Variants in FILIP1L observed in about 807,000 individuals in gnomAD.
FILIP1L encodes the protein filamin A-interacting protein 1-like.
In FILIP1L, 55 loss-of-function variants were observed where a neutral mutation model predicts 96.6. The ratio of observed to expected loss-of-function variants is 0.57; its 90% confidence interval spans 0.46 to 0.71. The LOEUF is 0.71. Ranked by LOEUF, FILIP1L falls within the 30% of genes least tolerant of loss-of-function variation. The pLI, the probability that FILIP1L is intolerant of heterozygous loss-of-function variation, is 0.00. For synonymous variants in FILIP1L, 467 were observed against 473.9 expected (o/e 0.99, Z 0.19); for missense variants, 1,304 against 1,321.2 (o/e 0.99, Z 0.20).
At chr3:99,939,562 T>C (rs1707793828) in intron 1 of FILIP1L, among the ~76,000 whole-genome samples, 1 of 152,222 alleles carries the variant, frequency 6.6e-6, no homozygotes, top group Admixed American at 6.5e-5. Flanking sequence ...ATTTCCCAGA[T>C]ATTAAACACA....
intron 3 of FILIP1L, among the ~76,000 whole-genome samples, chr3:99,929,263 C>T (rs900509908): frequency 1.3e-5 from 2 of 152,274 alleles, no homozygotes; most frequent in South Asian, 2.1e-4. Context: ...CCACCTTTGC[C>T]GTTGTAATTG....
chr3:100,076,842 C>T (rs1007499749), intron 1 of FILIP1L, among the ~76,000 whole-genome samples: 5 of 152,192 alleles, frequency 3.3e-5, no homozygotes, highest in African/African-American at 1.2e-4. Context: ...GTCAGACTTA[C>T]TCAGTATTTA....
intron 1 of FILIP1L, among the ~76,000 whole-genome samples, chr3:99,938,185 C>T (rs1332919536): frequency 6.6e-6 from 1 of 152,176 alleles, no homozygotes; most frequent in Non-Finnish European, 1.5e-5. Flanking sequence ...TGTAAACTTT[C>T]GATCATAAAT....
At chr3:99,837,919 A>G (rs1220127771) in intron 5 of FILIP1L, among the ~76,000 whole-genome samples, 2 of 152,184 alleles carry the variant, frequency 1.3e-5, no homozygotes, top group Non-Finnish European at 2.9e-5. Flanking sequence ...GTCTTGGGTC[A>G]TTATCATAAC....
At chr3:100,051,102 T>C (rs1039141744) in intron 1 of FILIP1L, 4 of 152,284 alleles carry the variant, frequency 2.6e-5, no homozygotes, top group Non-Finnish European at 4.4e-5. Context: ...ATTTGAATAA[T>C]ATATACTTAT....
intron 4 of FILIP1L, among the ~76,000 whole-genome samples, chr3:99,885,579 T>G (rs1028456489): frequency 2.0e-5 from 3 of 152,236 alleles, no homozygotes; most frequent in African/African-American, 7.2e-5. Flanking sequence ...TAAAAATACA[T>G]CAGTAGACTC....
chr3:99,961,515 C>T (rs1337720479), intron 1 of FILIP1L, among the ~76,000 whole-genome samples: 2 of 152,092 alleles, frequency 1.3e-5, no homozygotes, highest in Non-Finnish European at 2.9e-5. Context: ...ATTTTGCCAG[C>T]CCATGTGTGA....
chr3:99,922,260 A>T (rs929421004), intron 4 of FILIP1L, among the ~76,000 whole-genome samples: 5 of 152,244 alleles, frequency 3.3e-5, no homozygotes, highest in Non-Finnish European at 7.3e-5. Context: ...ACTAGTGCCA[A>T]ACCACAGGGG....
Position 99,936,521 on chromosome 3 carries a change from G to A in FILIP1L, c.-10-5491C>T, listed in dbSNP as rs374434091. Among the ~76,000 whole-genome samples the A allele has an allele frequency of 7.1e-4, 101 of 142,544 alleles. 1 individual carries two copies. The highest frequency in any genetic ancestry group is 9.2e-4 in the South Asian group (4 of 4,332). 93.5% of individuals were successfully genotyped at this position (142,544 alleles called of 152,430 possible). ...CTCCCAAGTAGCTGGGACTACAGGC[G>A]CGCACCACCACACCCAGCTAATTTT... On this transcript the variant is annotated intron_variant, in intron 1 of 5. Transcript: ENST00000477258.
chr3:99,984,257 T>G (rs956209506), intron 1 of FILIP1L, among the ~76,000 whole-genome samples: 22 of 152,200 alleles, frequency 1.4e-4, no homozygotes, highest in African/African-American at 5.3e-4. Flanking sequence ...ATTCATGTAT[T>G]TATTATGTAG....
intron 1 of FILIP1L, among the ~76,000 whole-genome samples, chr3:99,978,413 G>A (rs1709028874): frequency 6.6e-6 from 1 of 152,176 alleles, no homozygotes; most frequent in Non-Finnish European, 1.5e-5. Context: ...AATGGATAAA[G>A]AAAATGTGGT....
At chr3:99,930,684 A>G (rs190716277) in intron 2 of FILIP1L, 85 bp downstream of exon 2, 2 of 1,429,110 alleles carry the variant, frequency 1.4e-6, no homozygotes, top group East Asian at 2.3e-5. Flanking sequence ...AACCACAGAT[A>G]TCTATTTCTG....
intron 4 of FILIP1L, among the ~76,000 whole-genome samples, chr3:99,866,388 G>C (rs1184232614): frequency 6.6e-6 from 1 of 152,096 alleles, no homozygotes; most frequent in African/African-American, 2.4e-5. Flanking sequence ...TTGTTAGTGG[G>C]AAATTCAAAC....
At chr3:99,965,765 G>A (rs868057869) in intron 1 of FILIP1L, among the ~76,000 whole-genome samples, 2 of 152,180 alleles carry the variant, frequency 1.3e-5, no homozygotes, top group African/African-American at 2.4e-5. Context: ...GTTACCAGAT[G>A]GAGGTCATTA....
At chr3:100,099,198 G>A (rs1428515305) in intron 1 of FILIP1L, among the ~76,000 whole-genome samples, 2 of 152,116 alleles carry the variant, frequency 1.3e-5, no homozygotes, top group Non-Finnish European at 2.9e-5. Context: ...TTTTGAAATT[G>A]ACTTAATGTA....
intron 1 of FILIP1L, among the ~76,000 whole-genome samples, chr3:100,024,659 G>A (rs946650605): frequency 3.3e-5 from 5 of 152,232 alleles, no homozygotes; most frequent in African/African-American, 1.2e-4. Flanking sequence ...TGGAAGAAAT[G>A]CATGGGATAT....
intron 4 of FILIP1L, among the ~76,000 whole-genome samples, chr3:99,862,898 T>G (rs1436671445): frequency 6.6e-6 from 1 of 152,218 alleles, no homozygotes; most frequent in African/African-American, 2.4e-5. Context: ...CAATATCCAA[T>G]GAAATGCCAG....
intron 1 of FILIP1L, among the ~76,000 whole-genome samples, chr3:100,080,721 C>A (rs1273649554): frequency 6.6e-6 from 1 of 152,186 alleles, no homozygotes; most frequent in Non-Finnish European, 1.5e-5. Context: ...ATTTCTTGGT[C>A]ATATCAGCTA....
intron 4 of FILIP1L, among the ~76,000 whole-genome samples, chr3:99,906,430 C>G (rs1309665874): frequency 6.6e-6 from 1 of 152,012 alleles, no homozygotes; most frequent in African/African-American, 2.4e-5. Context: ...GTATGTGAGT[C>G]TTTTGTTGGT....
Sources: gnomAD v4.1 joint callset for allele counts (sites outside exome capture counted in the v4.1 genomes callset) on GRCh38, gnomAD v4.1.1 for gene constraint, MANE v1.5 for transcripts, NCBI Gene and HGNC (gene_info 2026-07-23, HGNC 2026-07-21) for gene names.